The following CTNNA3 variants were observed in gnomAD, a reference collection of about 807,000 sequenced individuals.
CTNNA3 encodes the protein catenin alpha-3.
In CTNNA3, 76 loss-of-function variants were observed where a neutral mutation model predicts 95.7. That is an observed-to-expected ratio of 0.79 (90% confidence interval 0.66 to 0.96). The LOEUF is 0.96. Ranked by LOEUF, CTNNA3 falls within the 40% of genes least tolerant of loss-of-function variation. The pLI, the probability that CTNNA3 is intolerant of heterozygous loss-of-function variation, is 0.00. For missense variants in CTNNA3, 1,191 were observed against 1,089.8 expected (o/e 1.09, Z -1.31); for synonymous variants, 431 against 374.4 (o/e 1.15, Z -1.74).
At chr10:67,198,700 C>G (rs572496582) in intron 6 of CTNNA3, among the ~76,000 whole-genome samples, 50 of 152,274 alleles carry the variant, frequency 3.3e-4, no homozygotes, top group African/African-American at 1.2e-3. Context: ...ATGTCAGTCC[C>G]TGGCTTAATA....
At chr10:66,810,926 T>C (rs1272669133) in intron 7 of CTNNA3, among the ~76,000 whole-genome samples, 1 of 152,168 alleles carries the variant, frequency 6.6e-6, no homozygotes, top group African/African-American at 2.4e-5. Context: ...GTCATCTTCC[T>C]CCCTGTCTTC....
intron 11 of CTNNA3, among the ~76,000 whole-genome samples, chr10:66,423,550 T>G (rs901296777): frequency 6.6e-6 from 1 of 152,008 alleles, no homozygotes; most frequent in Non-Finnish European, 1.5e-5. Flanking sequence ...CCAGAAACAT[T>G]CCAACCCTAA....
At chr10:67,141,648 T>C (rs1860572666) in intron 7 of CTNNA3, among the ~76,000 whole-genome samples, 1 of 152,152 alleles carries the variant, frequency 6.6e-6, no homozygotes, top group Admixed American at 6.5e-5. Context: ...GATATCAACT[T>C]GGCGTCTAAG....
intron 7 of CTNNA3, among the ~76,000 whole-genome samples, chr10:66,924,982 C>G (rs921530971): frequency 1.3e-5 from 2 of 152,100 alleles, no homozygotes; most frequent in Non-Finnish European, 2.9e-5. Context: ...CTTTAGGAAC[C>G]TCAGACCAAA....
At chr10:66,392,907 G>C (rs112288916) in intron 11 of CTNNA3, among the ~76,000 whole-genome samples, 5,441 of 152,044 alleles carry the variant, frequency 0.036, 127 homozygotes, top group Non-Finnish European at 0.05. Context: ...TATTTACCCA[G>C]ATAAATTTAA....
At chr10:66,284,666 G>A (rs1020069959) in intron 12 of CTNNA3, among the ~76,000 whole-genome samples, 1 of 151,818 alleles carries the variant, frequency 6.6e-6, no homozygotes, top group Admixed American at 6.6e-5. Flanking sequence ...GGTCAGAAAA[G>A]AATTCAGACT....
At chr10:67,510,595 A>C (rs1839589262) in intron 5 of CTNNA3, among the ~76,000 whole-genome samples, 1 of 152,074 alleles carries the variant, frequency 6.6e-6, no homozygotes, top group South Asian at 2.1e-4. Context: ...TGGTTACTGC[A>C]GCCTTGTAGT....
chr10:66,118,796 C>A (rs1015557977), intron 13 of CTNNA3, among the ~76,000 whole-genome samples: 1 of 152,156 alleles, frequency 6.6e-6, no homozygotes, highest in Non-Finnish European at 1.5e-5. Context: ...GATGAAAAAG[C>A]ATGCCATATT....
intron 7 of CTNNA3, among the ~76,000 whole-genome samples, chr10:66,913,286 G>A (rs1846318642): frequency 1.5e-5 from 2 of 132,968 alleles, no homozygotes; most frequent in South Asian, 2.6e-4. Context: ...AAAGAAATGA[G>A]TACATAGTAA....
At chr10:66,393,960 T>C (rs1395119658) in intron 11 of CTNNA3, among the ~76,000 whole-genome samples, 1 of 152,076 alleles carries the variant, frequency 6.6e-6, no homozygotes, top group Non-Finnish European at 1.5e-5. Context: ...GGTGATTCTA[T>C]AATTATATTA....
chr10:66,383,731 G>C (rs1331747913), intron 11 of CTNNA3, among the ~76,000 whole-genome samples: 1 of 152,204 alleles, frequency 6.6e-6, no homozygotes, highest in African/African-American at 2.4e-5. Flanking sequence ...AAGCCCATCA[G>C]ACTAACAGCA....
chr10:67,654,879 C>T (rs950943860), intron 1 of CTNNA3, among the ~76,000 whole-genome samples: 1 of 152,098 alleles, frequency 6.6e-6, no homozygotes, highest in Non-Finnish European at 1.5e-5. Context: ...GTGTATTTCT[C>T]TACCTCTTTT....
intron 12 of CTNNA3, among the ~76,000 whole-genome samples, chr10:66,367,059 G>T (rs1402646690): frequency 6.6e-6 from 1 of 152,098 alleles, no homozygotes; most frequent in East Asian, 1.9e-4. Flanking sequence ...CCGGGCCTGG[G>T]AGACTTGCAC....
chr10:66,574,745 T>G (rs1298017141), intron 10 of CTNNA3, among the ~76,000 whole-genome samples: 1 of 152,122 alleles, frequency 6.6e-6, no homozygotes, highest in Non-Finnish European at 1.5e-5. Flanking sequence ...AGTGTAACAG[T>G]TTTTTTACTA....
chr10:67,012,693 C>T (rs1852413509), intron 7 of CTNNA3, among the ~76,000 whole-genome samples: 1 of 152,046 alleles, frequency 6.6e-6, no homozygotes. Context: ...TTAACTTGGA[C>T]AAATGTAATC....
chr10:66,598,330 T>C (rs1404961994), intron 10 of CTNNA3, among the ~76,000 whole-genome samples: 2 of 151,972 alleles, frequency 1.3e-5, no homozygotes, highest in Non-Finnish European at 2.9e-5. Flanking sequence ...ATTTGAAAGC[T>C]TTTACTCTAA....
At chr10:67,609,463 TAAG>T (rs144069850) in intron 2 of CTNNA3, among the ~76,000 whole-genome samples, 9,453 of 152,092 alleles carry the variant, frequency 0.062, 314 homozygotes, top group South Asian at 0.1. Flanking sequence ...AAAAAAAACT[TAAG>T]AAGTTATGGG....
At chr10:66,752,771 A>G (rs533941763) in intron 9 of CTNNA3, among the ~76,000 whole-genome samples, 98 of 152,292 alleles carry the variant, frequency 6.4e-4, no homozygotes, top group African/African-American at 2.3e-3. Context: ...AAAGATATCC[A>G]CTTCAGAAAG....
intron 11 of CTNNA3, among the ~76,000 whole-genome samples, chr10:66,515,323 C>T (rs1484808175): frequency 2.2e-5 from 3 of 136,186 alleles, no homozygotes; most frequent in Admixed American, 7.3e-5. Context: ...TAGTCTCTCC[C>T]TCTCTGTCTC....
Sources: gnomAD v4.1 joint callset for allele counts (sites outside exome capture counted in the v4.1 genomes callset) on GRCh38, gnomAD v4.1.1 for gene constraint, MANE v1.5 for transcripts, NCBI Gene and HGNC (gene_info 2026-07-23, HGNC 2026-07-21) for gene names.